Variants in IL1RAPL2 observed in about 807,000 individuals in gnomAD.
IL1RAPL2 encodes the protein interleukin 1 receptor accessory protein like 2, also known as X-linked interleukin-1 receptor accessory protein-like 2.
IL1RAPL2 carries 3 observed loss-of-function variants against 44.1 expected under a neutral mutation model. The observed-to-expected ratio is 0.07, with a 90% CI of 0.03 to 0.18. The LOEUF is 0.18. Among genes scored for constraint, IL1RAPL2 ranks in the 10% least tolerant of loss-of-function variants. The pLI is 1.00. For synonymous variants in IL1RAPL2, 181 were observed against 178.8 expected (o/e 1.01, Z -0.10); for missense variants, 391 against 496.4 (o/e 0.79, Z 2.02).
chrX:104,623,201 T>G (rs1929433081), intron 1 of IL1RAPL2, among the ~76,000 whole-genome samples: 1 of 111,358 alleles, frequency 9.0e-6, no homozygotes, highest in Admixed American at 9.7e-5. Flanking sequence ...TTGGGAAGAC[T>G]GTATTCTTTG....
At chrX:105,508,257 A>C (rs2036445082) in intron 6 of IL1RAPL2, among the ~76,000 whole-genome samples, 1 of 111,117 alleles carries the variant, frequency 9.0e-6, no homozygotes, top group Non-Finnish European at 1.9e-5. Context: ...CATGGGTTAG[A>C]TTCCATTCAG....
rs193198405 is a variant in IL1RAPL2 at position 104,890,781 on chromosome X, G to A, written c.82+231786G>A. On this transcript the variant is annotated intron_variant, in intron 2 of 10. Transcript: ENST00000372582. Reference sequence around the variant, plus strand: ...CACTCTGATGGTAGTTTCTTTTGCCGTGCAGAAGCTCTTTAGTTTAATTAG... The same window carrying A: ...CACTCTGATGGTAGTTTCTTTTGCCATGCAGAAGCTCTTTAGTTTAATTAG... 7.1e-3 allele frequency among the ~76,000 whole-genome samples: 787 copies of A among 111,483 alleles called. 9 individuals carry two copies. The highest frequency in any genetic ancestry group is 0.037 in the Middle Eastern group (8 of 214).
At chrX:104,904,006 C>G (rs1292977879) in intron 2 of IL1RAPL2, among the ~76,000 whole-genome samples, 1 of 111,699 alleles carries the variant, frequency 9.0e-6, no homozygotes, top group Non-Finnish European at 1.9e-5. Flanking sequence ...TCTAAACTTT[C>G]ACCTGTAGTT....
At chrX:104,916,522 A>T (rs1432584296) in intron 2 of IL1RAPL2, among the ~76,000 whole-genome samples, 1 of 111,421 alleles carries the variant, frequency 9.0e-6, no homozygotes, top group Non-Finnish European at 1.9e-5. Context: ...AAACAGGGAC[A>T]ATTTGACTTC....
Position 105,436,181 on chromosome X carries a change from G to A in IL1RAPL2, c.698-48132G>A, listed in dbSNP as rs139955056. On this transcript the variant is annotated intron_variant, in intron 5 of 10. Coordinates refer to ENST00000372582, the MANE Select transcript of IL1RAPL2 (RefSeq NM_017416.2). The stretch of plus-strand genomic sequence containing the variant: ...CATACTTTATTTTTTCCACTAAGAT[G>A]ACATTCTGGAAACAGCAAAACTATA... Among the ~76,000 whole-genome samples, 601 of 110,980 alleles carry A rather than the reference G, an allele frequency of 5.4e-3. 5 individuals are homozygous for A. Among genetic ancestry groups the A allele is most frequent in the African/African-American group, 0.018 (560 of 30,529 alleles).
At chrX:104,578,906 C>A (rs1222379871) in intron 1 of IL1RAPL2, among the ~76,000 whole-genome samples, 1 of 111,186 alleles carries the variant, frequency 9.0e-6, no homozygotes, top group Non-Finnish European at 1.9e-5. Flanking sequence ...ACTTAATATT[C>A]ATAATAATGT....
At chrX:104,630,518 G>A (rs1366135531) in intron 1 of IL1RAPL2, among the ~76,000 whole-genome samples, 2 of 106,837 alleles carry the variant, frequency 1.9e-5, no homozygotes, top group Non-Finnish European at 3.9e-5. Flanking sequence ...GACTGGTCTC[G>A]AACTTCTGAC....
At chrX:105,250,446 C>A (rs2034259628) in intron 4 of IL1RAPL2, among the ~76,000 whole-genome samples, 1 of 110,550 alleles carries the variant, frequency 9.0e-6, no homozygotes, top group Non-Finnish European at 1.9e-5. Context: ...CACATTAATG[C>A]AAAATGTTAA....
intron 1 of IL1RAPL2, among the ~76,000 whole-genome samples, chrX:104,603,340 T>C (rs902057576): frequency 9.0e-6 from 1 of 111,546 alleles, no homozygotes; most frequent in Non-Finnish European, 1.9e-5. Flanking sequence ...TCCACAAAGA[T>C]GGGGAGAAAC....
At chrX:104,674,483 T>G (rs369896960) in intron 2 of IL1RAPL2, among the ~76,000 whole-genome samples, 9 of 111,958 alleles carry the variant, frequency 8.0e-5, no homozygotes, top group East Asian at 2.8e-4. Context: ...TTGATGTGCT[T>G]CTGGATTCGT....
chrX:104,958,496 T>C (rs1277636737), intron 2 of IL1RAPL2, among the ~76,000 whole-genome samples: 3 of 103,431 alleles, frequency 2.9e-5, no homozygotes. Flanking sequence ...ATTTTTAAGG[T>C]GCCTCATGTG....
intron 5 of IL1RAPL2, among the ~76,000 whole-genome samples, chrX:105,368,079 T>C (rs761124595): frequency 8.1e-5 from 9 of 110,906 alleles, no homozygotes; most frequent in Non-Finnish European, 1.7e-4. Context: ...GTGTTGGTGT[T>C]GAGAAATAAG....
At chrX:104,730,285 C>T (rs1473708795) in intron 2 of IL1RAPL2, among the ~76,000 whole-genome samples, 1 of 106,293 alleles carries the variant, frequency 9.4e-6, no homozygotes, top group African/African-American at 3.4e-5. Flanking sequence ...AGGTTAGTTA[C>T]ATATGTATAC....
intron 1 of IL1RAPL2, among the ~76,000 whole-genome samples, chrX:104,657,502 C>T (rs969001620): frequency 9.0e-6 from 1 of 111,719 alleles, no homozygotes; most frequent in Non-Finnish European, 1.9e-5. Context: ...AAATGTTAGA[C>T]CTAAAACCAT....
intron 2 of IL1RAPL2, among the ~76,000 whole-genome samples, chrX:105,003,807 A>G (rs1415560246): frequency 9.0e-6 from 1 of 110,575 alleles, no homozygotes; most frequent in South Asian, 3.8e-4. Context: ...GGCCCCACAC[A>G]CTCAGATCCA....
In IL1RAPL2 at chrX:105,008,832, A is replaced by G. The variant is rs191439158; in HGVS notation, c.83-186643A>G. ...AACAGGCAGCCTACAGAATGGGAGAAAATGTTTGCAATCTACCCATCTGAC... is the reference window on the plus strand; with the variant it reads ...AACAGGCAGCCTACAGAATGGGAGAGAATGTTTGCAATCTACCCATCTGAC... On this transcript the variant is annotated intron_variant, in intron 2 of 10. Transcript: ENST00000372582. Among the ~76,000 whole-genome samples, 20 of 111,928 alleles carry G rather than the reference A, an allele frequency of 1.8e-4. 1 individual carries two copies. The East Asian group carries it at 5.6e-3, about 32-fold the overall frequency.
chrX:105,334,778 T>C (rs1272049173), intron 5 of IL1RAPL2, among the ~76,000 whole-genome samples: 1 of 111,273 alleles, frequency 9.0e-6, no homozygotes, highest in Non-Finnish European at 1.9e-5. Context: ...ATTATCATCT[T>C]AGTCTTCTCT....
intron 6 of IL1RAPL2, among the ~76,000 whole-genome samples, chrX:105,613,425 C>T (rs1489131997): frequency 8.9e-6 from 1 of 112,096 alleles, no homozygotes; most frequent in Admixed American, 9.4e-5. Context: ...TGGGAAGAGA[C>T]TCTTTATGCT....
intron 2 of IL1RAPL2, among the ~76,000 whole-genome samples, chrX:105,153,848 G>T (rs2033248165): frequency 9.0e-6 from 1 of 110,894 alleles, no homozygotes; most frequent in Non-Finnish European, 1.9e-5. Context: ...TGTATATGAA[G>T]CCTCCAGGTA....
Sources: allele counts gnomAD v4.1 joint callset (sites outside exome capture counted in the v4.1 genomes callset), GRCh38; gene constraint gnomAD v4.1.1; transcripts MANE v1.5; gene names NCBI Gene and HGNC (gene_info 2026-07-23, HGNC 2026-07-21).